Variants in RAVER2 observed in about 807,000 individuals in gnomAD.
RAVER2 encodes the protein ribonucleoprotein PTB-binding 2.
In RAVER2, 46 loss-of-function variants were observed where a neutral mutation model predicts 78.1. The ratio of observed to expected loss-of-function variants is 0.59; its 90% CI spans 0.46 to 0.75. RAVER2 has a LOEUF of 0.75. Ranked by LOEUF, RAVER2 falls within the 30% of genes least tolerant of loss-of-function variation. The probability of loss-of-function intolerance (pLI) is 0.00; values close to 1 mark genes in which losing one functional copy is unlikely to be tolerated. For synonymous variants in RAVER2, 311 were observed against 313.3 expected (o/e 0.99, Z 0.08); for missense variants, 793 against 837.5 (o/e 0.95, Z 0.66).
chr1:64,818,379 A>G (rs1653803410), intron 11 of RAVER2, among the ~76,000 whole-genome samples: 1 of 152,140 alleles, frequency 6.6e-6, no homozygotes, highest in Non-Finnish European at 1.5e-5. Flanking sequence ...CACTAAAAAT[A>G]CAAAAAATTA....
chr1:64,779,411 T>A (rs1037796402), intron 3 of RAVER2, among the ~76,000 whole-genome samples: 5 of 152,096 alleles, frequency 3.3e-5, no homozygotes, highest in African/African-American at 1.2e-4. Flanking sequence ...AGACAGGGTC[T>A]TTCTCTATTG....
In RAVER2 at chr1:64,745,485, GCTGGGATCGGGGGCGCCTCAGAGCGGTC is replaced by G. The variant is rs1305980912; in HGVS notation, c.249+70_249+97del. 8 of 1,454,198 alleles carry G rather than the reference GCTGGGATCGGGGGCGCCTCAGAGCGGTC, an allele frequency of 5.5e-6. No individual in the cohort carries two copies. Among genetic ancestry groups the G allele is most frequent in the Admixed American group, 2.2e-5 (1 of 46,266 alleles). The allele number at this position is 1,454,198 out of a possible 1,614,324, so 90.1% of individuals were successfully genotyped here. A position where few individuals can be genotyped will look rare whatever the true frequency, so the allele number is the denominator to read the frequency against. On this transcript the variant is annotated intron_variant, in intron 1 of 11. Transcript: ENST00000294428. This position sits in a 1 kb window ranked among gnomAD's most constrained non-coding sequence, Gnocchi z 4.3. ...CGGCGGGGCGGCGCTCCGTGTCCAG[GCTGGGATCGGGGGCGCCTCAGAGCGGTC>G]CTGGGGAGTGGGTCGGCGCCGAGTG...
intron 10 of RAVER2, among the ~76,000 whole-genome samples, chr1:64,814,093 T>TTGTG (rs987199140): frequency 4.0e-5 from 6 of 149,864 alleles, no homozygotes; most frequent in Non-Finnish European, 8.9e-5. Flanking sequence ...CCAGCTAATT[T>TTGTG]TGTGTGTGTG....
intron 2 of RAVER2, among the ~76,000 whole-genome samples, chr1:64,771,718 A>G (rs529976571): frequency 6.6e-6 from 1 of 152,188 alleles, no homozygotes; most frequent in South Asian, 2.1e-4. Flanking sequence ...ACCGTTTGAC[A>G]ATTGACTGTG....
intron 1 of RAVER2, among the ~76,000 whole-genome samples, chr1:64,764,957 T>G (rs1652134602): frequency 6.6e-6 from 1 of 152,250 alleles, no homozygotes; most frequent in South Asian, 2.1e-4. Context: ...ATATTAGTGT[T>G]TGATTAAATA....
chr1:64,757,953 T>C (rs1651898552), intron 1 of RAVER2, among the ~76,000 whole-genome samples: 1 of 152,174 alleles, frequency 6.6e-6, no homozygotes, highest in Admixed American at 6.5e-5. Context: ...CCCATTTACA[T>C]AGGCATCTCC....
At chr1:64,819,278 A>G (rs1653827289) in intron 11 of RAVER2, among the ~76,000 whole-genome samples, 1 of 152,202 alleles carries the variant, frequency 6.6e-6, no homozygotes, top group African/African-American at 2.4e-5. Context: ...ATGAACAGGT[A>G]TGGAATCTCT....
At chr1:64,751,921 A>G (rs1333788644) in intron 1 of RAVER2, among the ~76,000 whole-genome samples, 1 of 152,098 alleles carries the variant, frequency 6.6e-6, no homozygotes, top group Non-Finnish European at 1.5e-5. Flanking sequence ...GGCTGTTTGT[A>G]TTTTGTTTGC....
chr1:64,796,250 C>T (rs1653093457), intron 5 of RAVER2, among the ~76,000 whole-genome samples: 1 of 151,708 alleles, frequency 6.6e-6, no homozygotes, highest in Non-Finnish European at 1.5e-5. Context: ...TAGTTTTCTT[C>T]CCTTGTAATA....
intron 1 of RAVER2, among the ~76,000 whole-genome samples, chr1:64,761,947 C>G (rs61784679): frequency 6.9e-6 from 1 of 145,616 alleles, no homozygotes; most frequent in African/African-American, 2.5e-5. Context: ...CCTGTCTCTA[C>G]CAAAAAAAAA....
chr1:64,756,241 C>T (rs928855060), intron 1 of RAVER2, among the ~76,000 whole-genome samples: 5 of 152,052 alleles, frequency 3.3e-5, no homozygotes, highest in African/African-American at 9.7e-5. Flanking sequence ...CACTTTGATT[C>T]CCTTTGATTA....
intron 1 of RAVER2, among the ~76,000 whole-genome samples, chr1:64,761,175 A>G (rs1398332246): frequency 6.6e-6 from 1 of 152,246 alleles, no homozygotes; most frequent in Non-Finnish European, 1.5e-5. Flanking sequence ...AATTTATTTT[A>G]GGCCAAGTCA....
intron 11 of RAVER2, among the ~76,000 whole-genome samples, chr1:64,828,650 TTTC>T (rs1418362216): frequency 1.3e-5 from 2 of 151,956 alleles, no homozygotes; most frequent in Non-Finnish European, 2.9e-5. Flanking sequence ...TGAAACCCGT[TTTC>T]TTTTTTTTTT....
intron 11 of RAVER2, among the ~76,000 whole-genome samples, chr1:64,826,940 T>C (rs946597377): frequency 6.6e-6 from 1 of 152,064 alleles, no homozygotes; most frequent in Non-Finnish European, 1.5e-5. Context: ...TTGATTGAGA[T>C]GGGTAAGACT....
intron 1 of RAVER2, among the ~76,000 whole-genome samples, chr1:64,748,256 C>T (rs933170758): frequency 1.5e-4 from 23 of 152,218 alleles, no homozygotes; most frequent in African/African-American, 5.5e-4. Context: ...TGGAATCTTC[C>T]TGGCCCTCTT....
At chr1:64,821,187 T>G (rs1297055621) in intron 11 of RAVER2, among the ~76,000 whole-genome samples, 4 of 152,254 alleles carry the variant, frequency 2.6e-5, no homozygotes, top group African/African-American at 7.2e-5. Flanking sequence ...CATATACTTG[T>G]TGGCCACATA....
intron 1 of RAVER2, among the ~76,000 whole-genome samples, chr1:64,751,347 G>A (rs990510468): frequency 5.3e-5 from 8 of 152,186 alleles, no homozygotes; most frequent in African/African-American, 1.7e-4. Context: ...AACTCTCCCA[G>A]CTTCAAATCA....
intron 4 of RAVER2, among the ~76,000 whole-genome samples, chr1:64,787,189 C>T (rs1339441255): frequency 6.6e-6 from 1 of 152,030 alleles, no homozygotes; most frequent in Non-Finnish European, 1.5e-5. Context: ...CATAATTCTG[C>T]TTTCTGTCTT....
chr1:64,798,540 A>G (rs1275407660), intron 5 of RAVER2, among the ~76,000 whole-genome samples: 1 of 152,132 alleles, frequency 6.6e-6, no homozygotes, highest in African/African-American at 2.4e-5. Flanking sequence ...AGTCCCACCA[A>G]CAATGTAAAA....
Sources: gnomAD v4.1 joint callset for allele counts (sites outside exome capture counted in the v4.1 genomes callset) on GRCh38, gnomAD v4.1.1 for gene constraint, Gnocchi (gnomAD v3.1) non-coding constraint, MANE v1.5 for transcripts, NCBI Gene and HGNC (gene_info 2026-07-23, HGNC 2026-07-21) for gene names.